Variants in MARK2 observed in about 807,000 individuals in gnomAD.
The protein encoded by MARK2 is microtubule affinity regulating kinase 2.
In MARK2, 16 loss-of-function variants were observed where a neutral mutation model predicts 89.8. The ratio of observed to expected loss-of-function variants is 0.18; its 90% CI spans 0.12 to 0.27. The LOEUF is 0.27. Ranked by LOEUF, MARK2 falls within the 10% of genes least tolerant of loss-of-function variation. The probability of loss-of-function intolerance (pLI) is 1.00; values close to 1 mark genes in which losing one functional copy is unlikely to be tolerated. For missense variants in MARK2, 621 were observed against 1,049.9 expected (o/e 0.59, Z 5.65); for synonymous variants, 382 against 399.5 (o/e 0.96, Z 0.52).
At chr11:63,850,195 C>A (rs2016498451) in intron 1 of MARK2, among the ~76,000 whole-genome samples, 1 of 152,054 alleles carries the variant, frequency 6.6e-6, no homozygotes, top group African/African-American at 2.4e-5. Flanking sequence ...GTTACCCAGG[C>A]TGGAGTGCAG....
intron 1 of MARK2, among the ~76,000 whole-genome samples, chr11:63,852,707 A>G (rs1389143666): frequency 2.6e-5 from 4 of 151,980 alleles, no homozygotes; most frequent in Non-Finnish European, 4.4e-5. Context: ...ATGAAAGTGT[A>G]ATGAAAGCTA....
chr11:63,847,604 G>A (rs556213503), intron 1 of MARK2, among the ~76,000 whole-genome samples: 6 of 152,308 alleles, frequency 3.9e-5, no homozygotes, highest in Admixed American at 6.5e-5. Context: ...TCGTTGAGGC[G>A]AAAGTTTGGA....
At chr11:63,884,778 G>A (rs1939295401) in intron 1 of MARK2, among the ~76,000 whole-genome samples, 1 of 152,214 alleles carries the variant, frequency 6.6e-6, no homozygotes, top group Non-Finnish European at 1.5e-5. Context: ...ACTCTTGGCA[G>A]TTGATAGCGA....
Position 63,876,845 on chromosome 11 carries a change from C to T in MARK2, c.55-18314C>T, listed in dbSNP as rs73494112. Reference sequence around the variant, plus strand: ...CAGCACATCTAACAATGCCCAAAAGCGGCCCCCTTCCTCCCAGCCACTTGT... The same window carrying T: ...CAGCACATCTAACAATGCCCAAAAGTGGCCCCCTTCCTCCCAGCCACTTGT... On this transcript the variant is annotated intron_variant, in intron 1 of 18. Coordinates refer to ENST00000402010, the MANE Select transcript of MARK2 (RefSeq NM_001039469.3). Among the ~76,000 whole-genome samples the T allele has an allele frequency of 7.4e-3, 1,124 of 152,278 alleles. 11 individuals carry two copies. Among genetic ancestry groups the T allele is most frequent in the African/African-American group, 0.025 (1,059 of 41,550 alleles).
intron 1 of MARK2, among the ~76,000 whole-genome samples, chr11:63,876,446 A>T (rs1469963805): frequency 6.6e-6 from 1 of 152,158 alleles, no homozygotes; most frequent in Non-Finnish European, 1.5e-5. Context: ...ATATTTTGTA[A>T]TTTCTGATTC....
chr11:63,885,208 A>G (rs1219481039), intron 1 of MARK2, among the ~76,000 whole-genome samples: 1 of 151,772 alleles, frequency 6.6e-6, no homozygotes, highest in African/African-American at 2.4e-5. Flanking sequence ...AAATAAATAA[A>G]TAGGGACTTG....
chr11:63,850,074 A>T (rs1459071183), intron 1 of MARK2: 1 of 152,226 alleles, frequency 6.6e-6, no homozygotes, highest in African/African-American at 2.4e-5. Flanking sequence ...TAATCAGTTG[A>T]AAAAATCTTG....
intron 3 of MARK2, among the ~76,000 whole-genome samples, chr11:63,896,437 A>C (rs1473293156): frequency 6.6e-6 from 1 of 152,256 alleles, no homozygotes; most frequent in Non-Finnish European, 1.5e-5. Context: ...TCCAGCTCAA[A>C]TTTTCTGAAC....
intron 1 of MARK2, among the ~76,000 whole-genome samples, chr11:63,891,723 G>A (rs1004701212): frequency 2.6e-5 from 4 of 152,256 alleles, no homozygotes; most frequent in South Asian, 2.1e-4. Flanking sequence ...TCTTCCTCTC[G>A]TAGGAGTTGG....
intron 1 of MARK2, among the ~76,000 whole-genome samples, chr11:63,852,206 G>A (rs1455933045): frequency 6.6e-6 from 1 of 152,110 alleles, no homozygotes; most frequent in Non-Finnish European, 1.5e-5. Context: ...TTTTAAGGTA[G>A]TACTTTAAGG....
chr11:63,864,677 G>A (rs575386572), intron 1 of MARK2, among the ~76,000 whole-genome samples: 2 of 151,438 alleles, frequency 1.3e-5, no homozygotes, highest in South Asian at 2.1e-4. Flanking sequence ...GATTACAGGC[G>A]TGAGCCACTG....
At chr11:63,851,562 C>T (rs1230853419) in intron 1 of MARK2, among the ~76,000 whole-genome samples, 1 of 151,938 alleles carries the variant, frequency 6.6e-6, no homozygotes, top group Non-Finnish European at 1.5e-5. Flanking sequence ...TTATCATGTC[C>T]TCATTCCCGT....
intron 1 of MARK2, among the ~76,000 whole-genome samples, chr11:63,877,694 C>CA (rs796998863): frequency 5.3e-5 from 8 of 149,856 alleles, no homozygotes; most frequent in East Asian, 1.9e-4. Context: ...GACCCTGTCT[C>CA]AAAAAAAAAG....
intron 1 of MARK2, among the ~76,000 whole-genome samples, chr11:63,866,674 A>G (rs1019007895): frequency 1.3e-5 from 2 of 152,180 alleles, no homozygotes; most frequent in African/African-American, 4.8e-5. Flanking sequence ...AAAGATTTTA[A>G]ATAAACCTAT....
Position 63,885,193 on chromosome 11 carries a change from AAAAT to A in MARK2, c.55-9952_55-9949del, listed in dbSNP as rs753652940. On this transcript the variant is annotated intron_variant, in intron 1 of 18. Transcript: ENST00000402010. ...GGGCAACAGAGCAAGACCCTGTTTA[AAAAT>A]AAATAAATAAATAGGGACTTGCCAC... Among the ~76,000 whole-genome samples the A allele has an allele frequency of 5.7e-4, 87 of 151,640 alleles. No individual in the cohort carries two copies. In the Middle Eastern group the frequency reaches 0.021, roughly 36 times the overall value.
At chr11:63,886,959 C>T (rs1290443921) in intron 1 of MARK2, among the ~76,000 whole-genome samples, 1 of 152,234 alleles carries the variant, frequency 6.6e-6, no homozygotes, top group Non-Finnish European at 1.5e-5. Context: ...GGCCGGAGGG[C>T]CCGGGCAAGC....
intron 1 of MARK2, among the ~76,000 whole-genome samples, chr11:63,885,368 A>G (rs535747916): frequency 3.5e-4 from 52 of 150,674 alleles, no homozygotes; most frequent in Admixed American, 7.9e-4. Flanking sequence ...GCAAAACCCT[A>G]TCTCTACAAA....
At chr11:63,845,832 C>T (rs2016250531) in intron 1 of MARK2, among the ~76,000 whole-genome samples, 1 of 152,106 alleles carries the variant, frequency 6.6e-6, no homozygotes, top group Non-Finnish European at 1.5e-5. Context: ...AAGCGATTCT[C>T]ATGCCTCAGT....
rs1471984792 is a variant in MARK2 at position 63,899,871 on chromosome 11, C to T, written c.532-3C>T. 1.2e-6 allele frequency: 2 copies of T among 1,607,124 alleles called. No individual in the cohort carries two copies. The highest frequency in any genetic ancestry group is 2.7e-5 in the African/African-American group (2 of 74,766). The stretch of plus-strand genomic sequence containing the variant: ...CCCTGATGTTTTCCATCTTACCTCC[C>T]AGGCAGAAAACCTGCTCTTGGATGC... On this transcript the variant is annotated splice_region_variant and splice_polypyrimidine_tract_variant and intron_variant, in intron 7 of 18. Transcript: ENST00000402010.
Sources: allele counts gnomAD v4.1 joint callset (sites outside exome capture counted in the v4.1 genomes callset), GRCh38; gene constraint gnomAD v4.1.1; transcripts MANE v1.5; gene names NCBI Gene and HGNC (gene_info 2026-07-23, HGNC 2026-07-21).